TBC1D2: variants seen among roughly 807,000 people sequenced by gnomAD.
The protein encoded by TBC1D2 is TBC1 domain family member 2, also known as TBC1 domain family member 2A.
In TBC1D2, 58 loss-of-function variants were observed where a neutral mutation model predicts 91.1. That is an observed-to-expected ratio of 0.64 (90% CI 0.52 to 0.79). TBC1D2 has a LOEUF of 0.79. Among genes scored for constraint, TBC1D2 ranks in the 30% least tolerant of loss-of-function variants. The pLI is 0.00. For missense variants in TBC1D2, 1,080 were observed against 1,208.3 expected, an observed-to-expected ratio of 0.89 and a Z score of 1.57; for synonymous variants, 482 against 511.5, an observed-to-expected ratio of 0.94 and a Z score of 0.78.
At chr9:98,242,363 C>G (rs1254258945) in intron 3 of TBC1D2, among the ~76,000 whole-genome samples, 1 of 150,820 alleles carries the variant, frequency 6.6e-6, no homozygotes, top group African/African-American at 2.4e-5. Context: ...ATCACTTGAA[C>G]ACGGGAAGCA....
intron 2 of TBC1D2, among the ~76,000 whole-genome samples, chr9:98,244,828 TTAAGTA>T (rs1829731866): frequency 6.6e-6 from 1 of 152,164 alleles, no homozygotes; most frequent in East Asian, 1.9e-4. Context: ...TGGGAATAGG[TTAAGTA>T]TATCAGAATG....
intron 12 of TBC1D2, among the ~76,000 whole-genome samples, chr9:98,199,928 A>G (rs968006407): frequency 3.4e-4 from 52 of 152,184 alleles, no homozygotes; most frequent in Middle Eastern, 3.2e-3. Flanking sequence ...GAGGCATTCT[A>G]AGTAAAAGAA....
chr9:98,220,883 C>T lies in TBC1D2; in HGVS notation c.1324G>A (p.Ala442Thr), dbSNP rs767749516. 6.2e-7 allele frequency: 1 copy of T among 1,614,126 alleles called. No individual in the cohort carries two copies. The highest frequency in any genetic ancestry group is 1.1e-5 in the South Asian group (1 of 91,080). The change falls in exon 6 of 13, where the codon GCT (alanine) becomes ACT (threonine). Residue 442 changes from alanine (A) to threonine (T), a missense_variant. Physicochemically the swap from Ala to Thr is moderately conservative, Grantham distance 58 (BLOSUM62 0). Transcript: ENST00000465784. ...TGGCTCAGGAAGTCCCTGTTGGCAG[C>T]GTCGGGGCGCAAAGGAGACTGGTCA... is the stretch of plus-strand genomic sequence containing the variant. ...PPDQSPLRPD[A>T]ANRDFLSQQG... is the part of the protein sequence containing the mutation.
chr9:98,223,930 T>C (rs1057452606), intron 5 of TBC1D2, among the ~76,000 whole-genome samples: 1 of 152,226 alleles, frequency 6.6e-6, no homozygotes, highest in South Asian at 2.1e-4. Context: ...CCGGGCGTGG[T>C]GGCTCACGCC....
intron 2 of TBC1D2, 95 bp from the exon 3 acceptor site, chr9:98,244,224 C>A (rs966508557): frequency 6.5e-7 from 1 of 1,534,038 alleles, no homozygotes; most frequent in African/African-American, 1.4e-5. Flanking sequence ...TGACTGGGAA[C>A]AGGCTGGAGT....
chr9:98,209,171 C>A, intron 8 of TBC1D2, 27 bp from the exon 9 acceptor site: 1 of 1,593,286 alleles, frequency 6.3e-7, no homozygotes, highest in Non-Finnish European at 8.6e-7. Context: ...ACGTTAGCAA[C>A]ACCTTGCAGA....
rs113596335 is a variant in TBC1D2 at position 98,235,127 on chromosome 9, C to T, written c.648-1578G>A. 723 of 228,650 alleles carry T rather than the reference C, an allele frequency of 3.2e-3. 9 individuals are homozygous for T. Among genetic ancestry groups the T allele is most frequent in the African/African-American group, 0.016 (692 of 43,464 alleles). 14.2% of individuals were successfully genotyped at this position (228,650 alleles called of 1,614,324 possible). On this transcript the variant is annotated intron_variant, in intron 3 of 12. Coordinates refer to ENST00000465784, the MANE Select transcript of TBC1D2 (RefSeq NM_001267571.2). ...GCTGAGGCAGAGAATCGCTTGAACC[C>T]GGGAGGCGGAGGTTGCAGTGAGCTG... is the stretch of plus-strand genomic sequence containing the variant.
chr9:98,201,861 T>C (rs1250334440), intron 10 of TBC1D2, among the ~76,000 whole-genome samples, 197 bp from the exon 11 acceptor site: 1 of 152,180 alleles, frequency 6.6e-6, no homozygotes, highest in Non-Finnish European at 1.5e-5. Context: ...ATCACTCCGC[T>C]GCTCCTAATA....
chr9:98,201,699 C>T, intron 10 of TBC1D2, 35 bp from the exon 11 acceptor site: 1 of 1,587,830 alleles, frequency 6.3e-7, no homozygotes, highest in Non-Finnish European at 8.6e-7. Context: ...CATCTGCAGC[C>T]CCAGCGTAGG....
chr9:98,222,220 T>C (rs1318566475), intron 5 of TBC1D2, among the ~76,000 whole-genome samples: 1 of 152,214 alleles, frequency 6.6e-6, no homozygotes, highest in Non-Finnish European at 1.5e-5. Flanking sequence ...CTCTCATCCC[T>C]GTGGCAGACA....
In TBC1D2 at chr9:98,255,461, C is replaced by A. The variant is rs1382225278; in HGVS notation, c.81G>T (p.Val27=). The A allele has an allele frequency of 6.3e-7, 1 of 1,594,758 alleles. No individual in the cohort carries two copies. Among genetic ancestry groups the A allele is most frequent in the East Asian group, 2.2e-5 (1 of 44,730 alleles). ...CCCCCGATTCTTCCTCCGGAGGCGG[C>A]ACCTGTGGATCCCTGGCAGACTCTT... The part of the protein sequence containing the change: ...GSEESARDPQ[V]PPPEEESGDC... Residue 27 remains valine, a synonymous_variant, in exon 1 of 13, where the codon GTG becomes GTT. Coordinates refer to ENST00000465784, the MANE Select transcript of TBC1D2 (RefSeq NM_001267571.2).
chr9:98,237,469 G>C (rs954440572), intron 3 of TBC1D2, among the ~76,000 whole-genome samples: 3 of 151,814 alleles, frequency 2.0e-5, no homozygotes, highest in Admixed American at 6.6e-5. Context: ...TAGCTTTGTA[G>C]TAGTGTTGAT....
In TBC1D2 at chr9:98,251,834, G is replaced by A. The variant is rs61752493; in HGVS notation, c.462C>T (p.Thr154=). 2 of 1,604,992 alleles carry A rather than the reference G, an allele frequency of 1.2e-6. No individual in the cohort carries two copies. Among genetic ancestry groups the A allele is most frequent in the Admixed American group, 1.7e-5 (1 of 58,362 alleles). Residue 154 remains threonine, a synonymous_variant, in exon 2 of 13, where the codon ACC becomes ACT. Transcript: ENST00000465784. ...CATTCCCAGCCAGGGCGGCATCAGG[G>A]GTGGCAGGAGGTGCCGGCGGGCTGT... ...FHNSPPAPPA[T]PDAALAGNGP...
chr9:98,251,325 C>G (rs569572878), intron 2 of TBC1D2, among the ~76,000 whole-genome samples: 1 of 151,928 alleles, frequency 6.6e-6, no homozygotes, highest in African/African-American at 2.4e-5. Flanking sequence ...ACCCAACTCA[C>G]GACACAAATC....
At chr9:98,234,960 CTTTGGGAG>C (rs775367939) in intron 3 of TBC1D2, 15 of 171,584 alleles carry the variant, frequency 8.7e-5, no homozygotes, top group Non-Finnish European at 1.6e-4. Context: ...AATCCCAGCA[CTTTGGGAG>C]GCTGAGGTGG....
chr9:98,221,332 C>G, intron 5 of TBC1D2, 104 bp from the exon 6 acceptor site: 1 of 1,352,548 alleles, frequency 7.4e-7, no homozygotes. Context: ...GTGAGAGGTG[C>G]CCAGCAGCAT....
chr9:98,200,222 G>C (rs10046819), intron 12 of TBC1D2, 31 bp downstream of exon 12: 163,835 of 1,612,224 alleles, frequency 0.1, 9,201 homozygotes, highest in Non-Finnish European at 0.11. Context: ...TGTGTGAGTG[G>C]TGGGAGTGGC....
At chr9:98,226,873 C>A (rs1041491409) in intron 5 of TBC1D2, among the ~76,000 whole-genome samples, 2 of 152,154 alleles carry the variant, frequency 1.3e-5, no homozygotes, top group Non-Finnish European at 2.9e-5. Context: ...AAGAATCTTG[C>A]CTTTATTTAT....
intron 2 of TBC1D2, among the ~76,000 whole-genome samples, chr9:98,245,730 C>G (rs879841115): frequency 1.5e-4 from 23 of 151,996 alleles, no homozygotes; most frequent in Non-Finnish European, 2.4e-4. Flanking sequence ...AAATTTTCTA[C>G]AATAAACATG....
Sources: allele counts gnomAD v4.1 joint callset (sites outside exome capture counted in the v4.1 genomes callset), GRCh38; gene constraint gnomAD v4.1.1; transcripts MANE v1.5; gene names NCBI Gene and HGNC (gene_info 2026-07-23, HGNC 2026-07-21).